The following COL14A1 variants were observed in gnomAD, a reference collection of about 807,000 sequenced individuals.
COL14A1 encodes collagen alpha-1(XIV) chain.
COL14A1 carries 136 observed loss-of-function variants against 230.3 expected under a neutral mutation model. The observed-to-expected ratio is 0.59, with a 90% CI of 0.51 to 0.68. The LOEUF is 0.68. Among genes scored for constraint, COL14A1 ranks in the 30% least tolerant of loss-of-function variants. The pLI, the probability that COL14A1 is intolerant of heterozygous loss-of-function variation, is 0.00. For missense variants in COL14A1, 1,976 were observed against 2,215.8 expected (o/e 0.89, Z 2.17); for synonymous variants, 792 against 784.1 (o/e 1.01, Z -0.17).
intron 22 of COL14A1, among the ~76,000 whole-genome samples, chr8:120,252,118 A>G (rs1476759776): frequency 6.6e-6 from 1 of 152,238 alleles, no homozygotes; most frequent in Non-Finnish European, 1.5e-5. Context: ...GATCACCACA[A>G]TCAAATTATT....
rs544688408 is a variant in COL14A1 at position 120,180,176 on chromosome 8, CAT to C, written c.436+11930_436+11931del. On this transcript the variant is annotated intron_variant, in intron 5 of 47. Coordinates refer to ENST00000297848, the MANE Select transcript of COL14A1 (RefSeq NM_021110.4). The stretch of plus-strand genomic sequence containing the variant: ...TGAAACCATGACAATGAAGATAAGA[CAT>C]GATTTCTCTCCACTGGGAATACTAC... 2.0e-4 allele frequency among the ~76,000 whole-genome samples: 31 copies of C among 152,282 alleles called. No homozygotes were observed. In the East Asian group the frequency reaches 5.8e-3, roughly 28 times the overall value.
At chr8:120,339,209 G>A (rs1217412460) in intron 42 of COL14A1, among the ~76,000 whole-genome samples, 2 of 152,150 alleles carry the variant, frequency 1.3e-5, no homozygotes, top group African/African-American at 2.4e-5. Flanking sequence ...TCCTGACCTC[G>A]TGGTCTGCCC....
At chr8:120,356,724 T>G (rs1487510856) in intron 45 of COL14A1, among the ~76,000 whole-genome samples, 1 of 151,290 alleles carries the variant, frequency 6.6e-6, no homozygotes, top group East Asian at 1.9e-4. Flanking sequence ...CAAGACTCTT[T>G]CTCAAAAAAA....
intron 23 of COL14A1, 60 bp downstream of exon 23, chr8:120,255,416 AC>A: frequency 3.3e-6 from 4 of 1,223,324 alleles, no homozygotes; most frequent in Non-Finnish European, 4.8e-6. Flanking sequence ...TTCTTTGCAC[AC>A]CACTGTGTAC....
At chr8:120,231,755 T>TA in intron 19 of COL14A1, 137 bp downstream of exon 19, 1 of 900,624 alleles carries the variant, frequency 1.1e-6, no homozygotes, top group Non-Finnish European at 1.6e-6. Flanking sequence ...ATGTTCTCTG[T>TA]TAATCTGACT....
At chr8:120,134,167 G>A (rs776902087) in intron 1 of COL14A1, among the ~76,000 whole-genome samples, 3 of 151,942 alleles carry the variant, frequency 2.0e-5, no homozygotes, top group African/African-American at 4.8e-5. Context: ...AAAAAAGGTC[G>A]ATCTACCTAA....
At chr8:120,203,629 G>A (rs982146475) in intron 8 of COL14A1, 80 bp from the exon 9 acceptor site, 20 of 1,326,946 alleles carry the variant, frequency 1.5e-5, no homozygotes, top group Non-Finnish European at 2.1e-5. Context: ...TTGACTGACT[G>A]GGTCAGATCA....
intron 23 of COL14A1, among the ~76,000 whole-genome samples, chr8:120,259,309 G>A (rs562295940): frequency 5.3e-5 from 8 of 152,236 alleles, no homozygotes; most frequent in South Asian, 2.1e-4. Flanking sequence ...AGCTGGTGGC[G>A]TTATAATTAT....
intron 38 of COL14A1, 90 bp from the exon 39 acceptor site, chr8:120,315,443 G>A: frequency 3.2e-6 from 3 of 928,522 alleles, no homozygotes; most frequent in South Asian, 1.5e-5. Context: ...GCGATTTACT[G>A]TGGAAACTAT....
At chr8:120,325,199 T>C (rs1366925062) in intron 40 of COL14A1, among the ~76,000 whole-genome samples, 1 of 152,200 alleles carries the variant, frequency 6.6e-6, no homozygotes, top group Non-Finnish European at 1.5e-5. Flanking sequence ...CATAGGCAAA[T>C]GTTTTTAAAA....
chr8:120,158,150 A>C lies in COL14A1; in HGVS notation c.109A>C (p.Arg37=). 1.3e-6 allele frequency: 2 copies of C among 1,592,354 alleles called. No homozygotes were observed. Among genetic ancestry groups the C allele is most frequent in the Non-Finnish European group, 1.7e-6 (2 of 1,168,180 alleles). ...QGQVAPPTRL[R]YNVISHDSIQ... Reference sequence around the variant, plus strand: ...TTCAGTGGCTCCACCCACAAGGTTAAGATATAATGTAATATCTCATGACAG... The same window carrying C: ...TTCAGTGGCTCCACCCACAAGGTTACGATATAATGTAATATCTCATGACAG... Residue 37 remains arginine, a synonymous_variant, in exon 3 of 48, where the codon AGA becomes CGA. Transcript: ENST00000297848.
At chr8:120,211,409 G>C (rs16893652) in intron 12 of COL14A1, among the ~76,000 whole-genome samples, 1,552 of 152,212 alleles carry the variant, frequency 0.01, 31 homozygotes, top group African/African-American at 0.036. Flanking sequence ...GTGTTGATAT[G>C]ATCCCATTAT....
rs116603414 is a variant in COL14A1, at chr8:120,226,642, A to C, written c.1880A>C (p.Gln627Pro). Residue 627 changes from glutamine to proline, a missense_variant, in exon 16 of 48, where the codon CAG becomes CCG. Coordinates refer to ENST00000297848, the MANE Select transcript of COL14A1 (RefSeq NM_021110.4). ...CGGTTTACAGAGGAAGTTCCAGCCC[A>C]GCAATACTTAGAAATTGATGAGGTG... is the stretch of plus-strand genomic sequence containing the variant. ...GVFTTEEVPA[Q>P]QYLEIDEVTT... is the part of the protein sequence containing the mutation. 960 of 1,613,186 alleles carry C rather than the reference A, an allele frequency of 6.0e-4. 4 individuals are homozygous for C. The African/African-American group carries it at 0.011, about 18-fold the overall frequency.
intron 43 of COL14A1, 37 bp from the exon 44 acceptor site, chr8:120,342,343 G>C: frequency 6.2e-7 from 1 of 1,605,068 alleles, no homozygotes; most frequent in Middle Eastern, 1.7e-4. Flanking sequence ...GGCTGGGCTT[G>C]TAGCTGAGTC....
At chr8:120,311,672 A>G (rs904526750) in intron 37 of COL14A1, among the ~76,000 whole-genome samples, 21 of 152,198 alleles carry the variant, frequency 1.4e-4, no homozygotes, top group African/African-American at 5.1e-4. Context: ...CAAATACAGA[A>G]TAAGAATTTG....
chr8:120,267,417 A>G (rs1401352828), intron 25 of COL14A1, among the ~76,000 whole-genome samples: 3 of 151,986 alleles, frequency 2.0e-5, no homozygotes, highest in Non-Finnish European at 4.4e-5. Flanking sequence ...GGGAAATACA[A>G]TAATAATACA....
chr8:120,341,281 A>G (rs1822287488), intron 42 of COL14A1, 44 bp from the exon 43 acceptor site: 1 of 1,588,604 alleles, frequency 6.3e-7, no homozygotes, highest in African/African-American at 1.3e-5. Flanking sequence ...ACTCTTAGCT[A>G]AGTGCAATAT....
chr8:120,302,576 T>C (rs1207576080), intron 36 of COL14A1, among the ~76,000 whole-genome samples: 1 of 152,186 alleles, frequency 6.6e-6, no homozygotes, highest in Non-Finnish European at 1.5e-5. Flanking sequence ...TTCTGGGTTC[T>C]GTATTCTATT....
intron 5 of COL14A1, among the ~76,000 whole-genome samples, chr8:120,179,267 C>T (rs1239142536): frequency 6.6e-6 from 1 of 152,148 alleles, no homozygotes. Context: ...TTGCAGATGA[C>T]ATGATTATTT....
Sources: allele counts gnomAD v4.1 joint callset (sites outside exome capture counted in the v4.1 genomes callset), GRCh38; gene constraint gnomAD v4.1.1; transcripts MANE v1.5; gene names NCBI Gene and HGNC (gene_info 2026-07-23, HGNC 2026-07-21).